RAB20: variants seen among roughly 807,000 people sequenced by gnomAD.
RAB20 encodes RAB20, member RAS oncogene family.
A neutral mutation model predicts 3.7 loss-of-function variants in RAB20; 2 were observed. That is an observed-to-expected ratio of 0.54 (90% confidence interval 0.22 to 1.69). RAB20 has a LOEUF of 1.69. Among genes scored for constraint, RAB20 ranks in the 40% most tolerant of loss-of-function variants. RAB20 has a pLI of 0.19. For missense variants in RAB20, 276 were observed against 311.9 expected (o/e 0.88, Z 0.87); for synonymous variants, 126 against 130.8 (o/e 0.96, Z 0.25).
At chr13:110,534,216 C>T (rs1467360023) in intron 1 of RAB20, among the ~76,000 whole-genome samples, 2 of 152,218 alleles carry the variant, frequency 1.3e-5, no homozygotes, top group African/African-American at 2.4e-5. Context: ...CTTCCAGACA[C>T]GAAGGAATTC....
In RAB20 at chr13:110,538,597, CA is replaced by C. The variant is rs67409356; in HGVS notation, c.173-14401del. Among the ~76,000 whole-genome samples, 490 of 70,674 alleles carry C rather than the reference CA, an allele frequency of 6.9e-3. 2 individuals are homozygous for C. The highest frequency in any genetic ancestry group is 0.026 in the African/African-American group (430 of 16,350). 46.4% of individuals were successfully genotyped at this position (70,674 alleles called of 152,430 possible). ...CTCCAGCCTGGGTGAGATCTTCTCTCAAAAAAAAAAAAAAAAAAAAAGAAAG... is the reference window on the plus strand; with the variant it reads ...CTCCAGCCTGGGTGAGATCTTCTCTCAAAAAAAAAAAAAAAAAAAAGAAAG... On this transcript the variant is annotated intron_variant, in intron 1 of 1. Transcript: ENST00000267328.
At chr13:110,548,106 A>G (rs1884887222) in intron 1 of RAB20, among the ~76,000 whole-genome samples, 1 of 152,228 alleles carries the variant, frequency 6.6e-6, no homozygotes, top group Admixed American at 6.5e-5. Context: ...CTACAAAAAT[A>G]AAAGACACTG....
chr13:110,536,726 CGGTG>C (rs1264163577), intron 1 of RAB20, among the ~76,000 whole-genome samples: 1 of 10,578 alleles, frequency 9.5e-5, no homozygotes, highest in African/African-American at 4.9e-4. Flanking sequence ...TTTTTTGGGG[CGGTG>C]GGGGGGGGTT....
intron 1 of RAB20, among the ~76,000 whole-genome samples, chr13:110,551,163 T>C (rs1249841388): frequency 6.6e-6 from 1 of 152,126 alleles, no homozygotes; most frequent in Non-Finnish European, 1.5e-5. Flanking sequence ...TCCAAGTGAG[T>C]AAAACCCAAG....
chr13:110,541,816 CCACACA>C (rs10624545), intron 1 of RAB20, among the ~76,000 whole-genome samples: 19 of 149,532 alleles, frequency 1.3e-4, no homozygotes, highest in South Asian at 2.1e-4. Context: ...GAGTGTCCAG[CCACACA>C]CACACACACA....
At chr13:110,552,271 C>T (rs554351590) in intron 1 of RAB20, among the ~76,000 whole-genome samples, 3 of 151,052 alleles carry the variant, frequency 2.0e-5, no homozygotes, top group Non-Finnish European at 4.4e-5. Flanking sequence ...CCCAGCTACT[C>T]GGGAAGCTGA....
At chr13:110,547,235 T>G (rs1884869299) in intron 1 of RAB20, among the ~76,000 whole-genome samples, 1 of 152,218 alleles carries the variant, frequency 6.6e-6, no homozygotes, top group Admixed American at 6.5e-5. Flanking sequence ...AACGGACCCC[T>G]GCCCCAAACA....
In RAB20 at chr13:110,555,905, C is replaced by T. The variant is rs1860597438; in HGVS notation, c.172+5443G>A. 1.3e-5 allele frequency among the ~76,000 whole-genome samples: 2 copies of T among 152,332 alleles called. No homozygotes were observed. The highest frequency in any genetic ancestry group is 2.1e-4 in the South Asian group (1 of 4,832). ...CTAGGGGCCCAGCTGAGCCTCCCTC[C>T]TCCCTTTGTAACATGCCTGCTGGTG... On this transcript the variant is annotated intron_variant, in intron 1 of 1. Coordinates refer to ENST00000267328, the MANE Select transcript of RAB20 (RefSeq NM_017817.3). This position sits in a 1 kb window ranked among gnomAD's most constrained non-coding sequence, Gnocchi z 4.0.
At chr13:110,527,064 G>A (rs1488000868) in intron 1 of RAB20, among the ~76,000 whole-genome samples, 1 of 150,708 alleles carries the variant, frequency 6.6e-6, no homozygotes, top group African/African-American at 2.5e-5. Context: ...CACACATGTG[G>A]CTCTCTAAGG....
intron 1 of RAB20, 146 bp downstream of exon 1, chr13:110,561,202 G>T: frequency 9.1e-7 from 1 of 1,093,120 alleles, no homozygotes. Flanking sequence ...ACCAGCAAGG[G>T]AGGACGAGTG....
At chr13:110,530,219 G>C (rs1481119983) in intron 1 of RAB20, among the ~76,000 whole-genome samples, 30 of 57,490 alleles carry the variant, frequency 5.2e-4, no homozygotes, top group African/African-American at 9.4e-4. Flanking sequence ...GGTCCCACCC[G>C]CCCCACCTCT....
At chr13:110,551,708 T>C (rs1205525411) in intron 1 of RAB20, among the ~76,000 whole-genome samples, 1 of 152,048 alleles carries the variant, frequency 6.6e-6, no homozygotes, top group African/African-American at 2.4e-5. Flanking sequence ...TGTGTGTATG[T>C]TTGTACAAAA....
At chr13:110,545,722 G>A (rs1000737784) in intron 1 of RAB20, among the ~76,000 whole-genome samples, 12 of 152,096 alleles carry the variant, frequency 7.9e-5, no homozygotes, top group Non-Finnish European at 1.6e-4. Flanking sequence ...TTGGGAAGAT[G>A]ATAAAATTCC....
intron 1 of RAB20, among the ~76,000 whole-genome samples, chr13:110,527,268 G>C (rs1157630297): frequency 6.6e-6 from 1 of 150,872 alleles, no homozygotes; most frequent in Non-Finnish European, 1.5e-5. Flanking sequence ...ACCCTGGAGA[G>C]AGGCGCCCAC....
chr13:110,553,968 T>C (rs1884998371), intron 1 of RAB20, among the ~76,000 whole-genome samples: 1 of 152,082 alleles, frequency 6.6e-6, no homozygotes, highest in South Asian at 2.1e-4. Flanking sequence ...CAAAAATTGT[T>C]TTTTTAAATA....
intron 1 of RAB20, among the ~76,000 whole-genome samples, chr13:110,557,728 C>T (rs1219930645): frequency 6.6e-6 from 1 of 152,246 alleles, no homozygotes; most frequent in African/African-American, 2.4e-5. Flanking sequence ...GGCTCCCCGC[C>T]GCCTTCCAAG....
chr13:110,530,263 AC>A (rs1884511035), intron 1 of RAB20, among the ~76,000 whole-genome samples: 2 of 4,856 alleles, frequency 4.1e-4, no homozygotes, highest in South Asian at 0.027. Flanking sequence ...GGCAGGTCCC[AC>A]CCGCCCCACC....
chr13:110,523,275 C>T lies in RAB20; in HGVS notation c.*390G>A, dbSNP rs944675803. Reference sequence around the variant, plus strand: ...AACAAGAAATGTCAGAGTTGTAGGACGTGGTAACAACCCAGGGTGCTGAAA... The same window carrying T: ...AACAAGAAATGTCAGAGTTGTAGGATGTGGTAACAACCCAGGGTGCTGAAA... On this transcript the variant is annotated 3_prime_UTR_variant, in exon 2 of 2. Coordinates refer to ENST00000267328, the MANE Select transcript of RAB20 (RefSeq NM_017817.3). The T allele has an allele frequency of 2.1e-5, 9 of 420,274 alleles. No individual in the cohort carries two copies. The highest frequency in any genetic ancestry group is 1.6e-4 in the Admixed American group (4 of 25,140). The allele number at this position is 420,274 out of a possible 1,614,324, so 26.0% of individuals were successfully genotyped here.
At chr13:110,526,511 T>C (rs1182467144) in intron 1 of RAB20, among the ~76,000 whole-genome samples, 1 of 152,236 alleles carries the variant, frequency 6.6e-6, no homozygotes, top group African/African-American at 2.4e-5. Flanking sequence ...CATGTCACTC[T>C]GAGGGCAACT....
Sources: allele counts gnomAD v4.1 joint callset (sites outside exome capture counted in the v4.1 genomes callset), GRCh38; gene constraint gnomAD v4.1.1; non-coding constraint Gnocchi (gnomAD v3.1); transcripts MANE v1.5; gene names NCBI Gene and HGNC (gene_info 2026-07-23, HGNC 2026-07-21).